The following ROBO2 variants were observed in gnomAD, a reference collection of about 807,000 sequenced individuals.
ROBO2 encodes roundabout homolog 2.
A neutral mutation model predicts 160.8 loss-of-function variants in ROBO2; 53 were observed. The observed-to-expected ratio is 0.33, with a 90% CI of 0.26 to 0.41. The LOEUF (loss-of-function observed/expected upper bound fraction) is 0.41, where lower values mean the gene tolerates loss of function less well. Ranked by LOEUF, ROBO2 falls within the 10% of genes least tolerant of loss-of-function variation. ROBO2 has a pLI of 1.00. For synonymous variants in ROBO2, 664 were observed against 611.7 expected (o/e 1.09, Z -1.26); for missense variants, 1,577 against 1,722.4 (o/e 0.92, Z 1.49).
At chr3:77,285,579 A>G (rs2060530351) in intron 2 of ROBO2, among the ~76,000 whole-genome samples, 1 of 152,174 alleles carries the variant, frequency 6.6e-6, no homozygotes, top group Admixed American at 6.6e-5. Context: ...TTCTCTTTAT[A>G]TAAATCCTAT....
intron 2 of ROBO2, among the ~76,000 whole-genome samples, chr3:76,832,663 T>G (rs1428724295): frequency 6.6e-6 from 1 of 152,008 alleles, no homozygotes; most frequent in Non-Finnish European, 1.5e-5. Flanking sequence ...ACATTCAAGG[T>G]CAAGAAAATA....
intron 2 of ROBO2, among the ~76,000 whole-genome samples, chr3:77,260,523 G>A (rs2058707294): frequency 6.6e-6 from 1 of 152,124 alleles, no homozygotes; most frequent in African/African-American, 2.4e-5. Flanking sequence ...TTCCTCAAAG[G>A]TGATTCAAGC....
intron 2 of ROBO2, among the ~76,000 whole-genome samples, chr3:76,068,532 A>G (rs923513565): frequency 1.3e-5 from 2 of 152,182 alleles, no homozygotes; most frequent in Non-Finnish European, 2.9e-5. Flanking sequence ...ATGCAGGAAC[A>G]TTATTCCACC....
At chr3:76,364,188 C>G (rs911266146) in intron 2 of ROBO2, among the ~76,000 whole-genome samples, 1 of 152,026 alleles carries the variant, frequency 6.6e-6, no homozygotes, top group African/African-American at 2.4e-5. Context: ...GAACACCTCT[C>G]AGAGACTCCC....
intron 2 of ROBO2, among the ~76,000 whole-genome samples, chr3:77,109,072 T>G (rs1372007057): frequency 6.6e-6 from 1 of 151,652 alleles, no homozygotes; most frequent in African/African-American, 2.4e-5. Flanking sequence ...AAGTTCAGAA[T>G]AGGAAAAGAG....
At chr3:76,407,815 G>A (rs2075288639) in intron 2 of ROBO2, among the ~76,000 whole-genome samples, 1 of 152,082 alleles carries the variant, frequency 6.6e-6, no homozygotes, top group African/African-American at 2.4e-5. Context: ...AAGAAACCAT[G>A]ATGCAGAACA....
At chr3:76,534,399 T>G (rs2082385069) in intron 2 of ROBO2, among the ~76,000 whole-genome samples, 1 of 152,078 alleles carries the variant, frequency 6.6e-6, no homozygotes, top group African/African-American at 2.4e-5. Context: ...TACCAAAGCT[T>G]TTTGTCCCCA....
chr3:76,491,347 T>C (rs1369317104), intron 2 of ROBO2, among the ~76,000 whole-genome samples: 2 of 152,204 alleles, frequency 1.3e-5, no homozygotes, highest in African/African-American at 4.8e-5. Context: ...CTTCCTCTCA[T>C]CTTGTAAATT....
At chr3:77,032,861 C>G (rs1201344472) in intron 2 of ROBO2, among the ~76,000 whole-genome samples, 1 of 152,146 alleles carries the variant, frequency 6.6e-6, no homozygotes, top group African/African-American at 2.4e-5. Context: ...CTAGAAGTGC[C>G]TGGATTCCAT....
At chr3:77,223,362 A>G (rs2086072707) in intron 2 of ROBO2, among the ~76,000 whole-genome samples, 1 of 152,068 alleles carries the variant, frequency 6.6e-6, no homozygotes, top group Non-Finnish European at 1.5e-5. Context: ...TATTGAAACT[A>G]AATATGGTTA....
rs1174587812 is a variant in ROBO2, at chr3:77,075,672, C to CTTTTT, written c.62-22323_62-22319dup. Among the ~76,000 whole-genome samples the CTTTTT allele has an allele frequency of 3.4e-3, 296 of 87,258 alleles. 13 individuals carry two copies. The highest frequency in any genetic ancestry group is 7.8e-3 in the East Asian group (18 of 2,294). The allele number at this position is 87,258 out of a possible 152,430, so 57.2% of individuals were successfully genotyped here. A position where few individuals can be genotyped will look rare whatever the true frequency, so the allele number is the denominator to read the frequency against. ...ATACACTACTATTTCTTTCTTTCTC[C>CTTTTT]TTTTTTTTTTTTTTTTTTTTTTTGA... On this transcript the variant is annotated intron_variant, in intron 1 of 25. Coordinates refer to ENST00000461745, the Ensembl canonical transcript of ROBO2.
chr3:76,797,515 A>C (rs2063793635), intron 2 of ROBO2, among the ~76,000 whole-genome samples: 1 of 151,958 alleles, frequency 6.6e-6, no homozygotes, highest in Admixed American at 6.6e-5. Flanking sequence ...ACCTAACATC[A>C]TAAGGAACTA....
chr3:76,124,136 G>A (rs112407033), intron 2 of ROBO2, among the ~76,000 whole-genome samples: 29 of 152,062 alleles, frequency 1.9e-4, no homozygotes, highest in East Asian at 3.9e-4. Context: ...AAATATAAAA[G>A]TTACTATTCT....
At chr3:76,612,902 C>T (rs926352586) in intron 2 of ROBO2, among the ~76,000 whole-genome samples, 1 of 152,018 alleles carries the variant, frequency 6.6e-6, no homozygotes, top group Admixed American at 6.6e-5. Flanking sequence ...GCTACTACTG[C>T]TCTTTTTTGA....
At chr3:77,025,563 G>C (rs140913736) in intron 2 of ROBO2, among the ~76,000 whole-genome samples, 1 of 152,290 alleles carries the variant, frequency 6.6e-6, no homozygotes, top group East Asian at 1.9e-4. Flanking sequence ...GATGACATAA[G>C]GTTAGACAAA....
chr3:76,165,957 G>A (rs2072821494), intron 2 of ROBO2, among the ~76,000 whole-genome samples: 2 of 152,058 alleles, frequency 1.3e-5, no homozygotes, highest in Non-Finnish European at 2.9e-5. Flanking sequence ...ATAGGGAGTG[G>A]TTTGGGGCAT....
intron 2 of ROBO2, among the ~76,000 whole-genome samples, chr3:77,180,685 C>G (rs1176899249): frequency 2.0e-5 from 3 of 151,654 alleles, no homozygotes; most frequent in Non-Finnish European, 4.4e-5. Flanking sequence ...ATTATTATCT[C>G]TACATAATTT....
chr3:76,665,641 C>T (rs2091988395), intron 2 of ROBO2, among the ~76,000 whole-genome samples: 1 of 151,372 alleles, frequency 6.6e-6, no homozygotes, highest in Admixed American at 6.6e-5. Context: ...AAATTCATAT[C>T]TCAGCCTCTC....
intron 2 of ROBO2, among the ~76,000 whole-genome samples, chr3:77,361,371 T>G (rs2069964974): frequency 1.3e-5 from 2 of 152,202 alleles, no homozygotes; most frequent in Non-Finnish European, 2.9e-5. Flanking sequence ...GTATATTTAT[T>G]TTATTTTTGT....
Sources: allele counts gnomAD v4.1 joint callset (sites outside exome capture counted in the v4.1 genomes callset), GRCh38; gene constraint gnomAD v4.1.1; transcripts MANE v1.5; gene names NCBI Gene and HGNC (gene_info 2026-07-23, HGNC 2026-07-21).